GNAL: variants seen among roughly 807,000 people sequenced by gnomAD.
The protein encoded by GNAL is G protein subunit alpha L.
Under a neutral mutation model 55.1 loss-of-function variants are expected in GNAL, and 18 were observed. That is an observed-to-expected ratio of 0.33 (90% CI 0.23 to 0.48). The LOEUF (loss-of-function observed/expected upper bound fraction) is 0.48, where lower values mean the gene tolerates loss of function less well. GNAL is among the 20% of genes least tolerant of loss of function. The probability of loss-of-function intolerance (pLI) is 0.99; values close to 1 mark genes in which losing one functional copy is unlikely to be tolerated. For synonymous variants in GNAL, 253 were observed against 237.0 expected (o/e 1.07, Z -0.62); for missense variants, 412 against 614.1 (o/e 0.67, Z 3.48).
chr18:11,768,444 A>C (rs2033481007), intron 4 of GNAL, among the ~76,000 whole-genome samples: 1 of 152,130 alleles, frequency 6.6e-6, no homozygotes, highest in Non-Finnish European at 1.5e-5. Context: ...TCTACTAAAA[A>C]TACAAAATTA....
intron 5 of GNAL, among the ~76,000 whole-genome samples, chr18:11,842,038 T>C (rs1451312639): frequency 4.0e-5 from 6 of 151,844 alleles, no homozygotes; most frequent in Non-Finnish European, 7.4e-5. Context: ...AATGGTGCAA[T>C]CTCGACTCAC....
intron 1 of GNAL, among the ~76,000 whole-genome samples, chr18:11,690,616 C>G (rs1443384682): frequency 1.7e-5 from 2 of 119,664 alleles, no homozygotes; most frequent in African/African-American, 6.4e-5. Context: ...CCCCTCCCCC[C>G]ACCCCACAAC....
chr18:11,803,340 C>T (rs57536188), intron 4 of GNAL, among the ~76,000 whole-genome samples: 64,967 of 152,092 alleles, frequency 0.43, 16,908 homozygotes, highest in African/African-American at 0.74. Context: ...GTGACAGGCT[C>T]ATGTCACTTA....
At chr18:11,824,747 ATT>A (rs1247738166) in intron 4 of GNAL, among the ~76,000 whole-genome samples, 169 bp from the exon 5 acceptor site, 1 of 152,150 alleles carries the variant, frequency 6.6e-6, no homozygotes, top group African/African-American at 2.4e-5. Flanking sequence ...GCATGCATAC[ATT>A]TTTTATCACA....
intron 4 of GNAL, among the ~76,000 whole-genome samples, chr18:11,779,301 A>C (rs2033866501): frequency 6.6e-6 from 1 of 152,162 alleles, no homozygotes; most frequent in South Asian, 2.1e-4. Context: ...CCATTATTAG[A>C]TTTCTTCCCA....
At chr18:11,703,740 G>A (rs987142663) in intron 1 of GNAL, among the ~76,000 whole-genome samples, 1 of 151,272 alleles carries the variant, frequency 6.6e-6, no homozygotes, top group Non-Finnish European at 1.5e-5. Context: ...TCCACCCTTG[G>A]GCTTGGGTAC....
intron 4 of GNAL, among the ~76,000 whole-genome samples, chr18:11,801,918 A>G: frequency 6.6e-6 from 1 of 151,974 alleles, no homozygotes; most frequent in East Asian, 1.9e-4. Flanking sequence ...CTGAGTAGGG[A>G]CCTCCTTCAC....
chr18:11,695,906 ACATG>A lies in GNAL; in HGVS notation c.376+5974_376+5977del, dbSNP rs1270829279. The stretch of plus-strand genomic sequence containing the variant: ...AAGTGCCTGGTGCACACATGCTCAG[ACATG>A]CATGCACGCATGCACACACACACAC... On this transcript the variant is annotated intron_variant, in intron 1 of 11. Coordinates refer to ENST00000334049, the MANE Select transcript of GNAL (RefSeq NM_182978.4). 4.3e-3 allele frequency among the ~76,000 whole-genome samples: 609 copies of A among 142,146 alleles called. 7 individuals are homozygous for A. The highest frequency in any genetic ancestry group is 0.016 in the African/African-American group (562 of 35,950). The allele number at this position is 142,146 out of a possible 152,430, so 93.3% of individuals were successfully genotyped here.
intron 5 of GNAL, among the ~76,000 whole-genome samples, chr18:11,837,352 A>G (rs2035519383): frequency 6.6e-6 from 1 of 152,202 alleles, no homozygotes; most frequent in Admixed American, 6.5e-5. Flanking sequence ...AGAAGGGGGA[A>G]AATGTTTATA....
chr18:11,872,988 C>A (rs764768277), intron 10 of GNAL, among the ~76,000 whole-genome samples: 1 of 152,200 alleles, frequency 6.6e-6, no homozygotes, highest in Non-Finnish European at 1.5e-5. Context: ...CATCCCAGGC[C>A]ACCTGAGACT....
intron 4 of GNAL, among the ~76,000 whole-genome samples, chr18:11,824,671 G>C (rs1020676417): frequency 1.4e-4 from 18 of 133,014 alleles, no homozygotes; most frequent in Admixed American, 1.3e-3. Context: ...CTGGGTGACA[G>C]AGCGAGACTG....
At chr18:11,862,177 A>G (rs1157648529) in intron 5 of GNAL, among the ~76,000 whole-genome samples, 3 of 152,140 alleles carry the variant, frequency 2.0e-5, no homozygotes, top group Non-Finnish European at 4.4e-5. Context: ...GCAACATTAA[A>G]AAAAAGAAAA....
At chr18:11,713,558 T>A (rs2031885671) in intron 1 of GNAL, among the ~76,000 whole-genome samples, 1 of 152,220 alleles carries the variant, frequency 6.6e-6, no homozygotes, top group Non-Finnish European at 1.5e-5. Flanking sequence ...TAGGTTGCCA[T>A]CCTAGGCCAG....
chr18:11,880,243 C>G (rs534640686), intron 11 of GNAL, among the ~76,000 whole-genome samples: 2 of 150,348 alleles, frequency 1.3e-5, no homozygotes, highest in South Asian at 2.2e-4. Flanking sequence ...GGGGACACAG[C>G]GAGACTCCAT....
At chr18:11,870,063 A>G (rs527388675) in intron 9 of GNAL, among the ~76,000 whole-genome samples, 54 of 152,242 alleles carry the variant, frequency 3.5e-4, no homozygotes, top group African/African-American at 1.3e-3. Context: ...ATACGGGAGG[A>G]TGTGCATGGT....
chr18:11,722,458 C>T (rs904071322), intron 1 of GNAL, among the ~76,000 whole-genome samples: 1 of 152,242 alleles, frequency 6.6e-6, no homozygotes, highest in African/African-American at 2.4e-5. Flanking sequence ...CATAGTACAA[C>T]AGTGCTTTGC....
chr18:11,721,470 C>A (rs1019246222), intron 1 of GNAL, among the ~76,000 whole-genome samples: 1 of 152,072 alleles, frequency 6.6e-6, no homozygotes, highest in African/African-American at 2.4e-5. Flanking sequence ...AATAGTCTCA[C>A]CGGCTGGACA....
intron 1 of GNAL, among the ~76,000 whole-genome samples, chr18:11,716,790 A>G (rs1374949228): frequency 6.6e-6 from 1 of 152,194 alleles, no homozygotes; most frequent in Non-Finnish European, 1.5e-5. Flanking sequence ...ACTTTGAGCT[A>G]GATACAGAGT....
intron 10 of GNAL, among the ~76,000 whole-genome samples, chr18:11,874,602 C>CA (rs146940650): frequency 1.9e-4 from 15 of 77,508 alleles, no homozygotes; most frequent in East Asian, 4.6e-4. Flanking sequence ...CTCAAAAAAA[C>CA]AAAAAAAAAG....
Sources: gnomAD v4.1 joint callset for allele counts (sites outside exome capture counted in the v4.1 genomes callset) on GRCh38, gnomAD v4.1.1 for gene constraint, MANE v1.5 for transcripts, NCBI Gene and HGNC (gene_info 2026-07-23, HGNC 2026-07-21) for gene names.